The following CRADD variants were observed in gnomAD, a reference collection of about 807,000 sequenced individuals.
The protein encoded by CRADD is CARD and death domain containing adaptor protein, also known as death domain-containing protein CRADD.
Under a neutral mutation model 15.5 loss-of-function variants are expected in CRADD, and 9 were observed. That is an observed-to-expected ratio of 0.58 (90% CI 0.35 to 1.01). The LOEUF (loss-of-function observed/expected upper bound fraction) is 1.01, where lower values mean the gene tolerates loss of function less well. CRADD is among the 50% of genes least tolerant of loss of function. The pLI is 0.02. For synonymous variants in CRADD, 118 were observed against 107.6 expected, an observed-to-expected ratio of 1.10 and a Z score of -0.60; for missense variants, 227 against 250.3, an observed-to-expected ratio of 0.91 and a Z score of 0.63.
intron 2 of CRADD, chr12:93,816,026 G>A (rs1448215954): frequency 6.6e-6 from 1 of 152,168 alleles, no homozygotes; most frequent in African/African-American, 2.4e-5. Context: ...GAAATATCAT[G>A]CAAGCCACCA....
At chr12:93,821,514 G>A (rs542021903) in intron 2 of CRADD, among the ~76,000 whole-genome samples, 4 of 152,304 alleles carry the variant, frequency 2.6e-5, no homozygotes, top group South Asian at 4.1e-4. Context: ...AACACACCAT[G>A]TAACTTGATT....
chr12:93,770,245 G>A (rs934311105), intron 2 of CRADD, among the ~76,000 whole-genome samples: 1 of 151,446 alleles, frequency 6.6e-6, no homozygotes, highest in African/African-American at 2.4e-5. Context: ...ACAGGCGCCC[G>A]CCATCACGCC....
At chr12:93,769,050 T>G (rs572614973) in intron 2 of CRADD, among the ~76,000 whole-genome samples, 34 of 152,152 alleles carry the variant, frequency 2.2e-4, no homozygotes, top group Non-Finnish European at 4.7e-4. Context: ...ACCATAATAT[T>G]TACTCATTCT....
chr12:93,685,810 G>T (rs1278813969), intron 2 of CRADD, among the ~76,000 whole-genome samples: 1 of 151,922 alleles, frequency 6.6e-6, no homozygotes, highest in Non-Finnish European at 1.5e-5. Context: ...TGGCCAACAT[G>T]GTGAAACCCC....
chr12:93,754,233 C>T (rs1436485504), intron 2 of CRADD, among the ~76,000 whole-genome samples: 1 of 152,262 alleles, frequency 6.6e-6, no homozygotes, highest in African/African-American at 2.4e-5. Flanking sequence ...GTCCTAGGTT[C>T]ACACAGCAGG....
chr12:93,701,793 T>C (rs990947688), intron 2 of CRADD, among the ~76,000 whole-genome samples: 2 of 152,164 alleles, frequency 1.3e-5, no homozygotes, highest in African/African-American at 4.8e-5. Context: ...GATACAATGA[T>C]GTTGTAATGT....
intron 2 of CRADD, among the ~76,000 whole-genome samples, chr12:93,887,651 C>T (rs1401913792): frequency 6.6e-6 from 1 of 152,116 alleles, no homozygotes; most frequent in Non-Finnish European, 1.5e-5. Flanking sequence ...CTTTAGCAAG[C>T]ACACTCTTTC....
intron 2 of CRADD, chr12:93,790,845 A>C (rs1957340758): frequency 6.6e-6 from 1 of 152,034 alleles, no homozygotes; most frequent in Non-Finnish European, 1.5e-5. Context: ...TACTTAAAAA[A>C]ATCACTTAAT....
chr12:93,817,949 G>A (rs575674730), intron 2 of CRADD, among the ~76,000 whole-genome samples: 16 of 152,304 alleles, frequency 1.1e-4, no homozygotes, highest in South Asian at 4.1e-4. Flanking sequence ...GCTGCTGGCC[G>A]TGCAGCGGTG....
chr12:93,741,943 CG>C (rs1430544015), intron 2 of CRADD, among the ~76,000 whole-genome samples: 9 of 152,092 alleles, frequency 5.9e-5, no homozygotes, highest in Non-Finnish European at 5.9e-5. Flanking sequence ...TGCTCCACCG[CG>C]TCTCCTCTAC....
At chr12:93,783,109 T>C (rs868059721) in intron 2 of CRADD, among the ~76,000 whole-genome samples, 3 of 152,190 alleles carry the variant, frequency 2.0e-5, no homozygotes, top group East Asian at 1.9e-4. Context: ...ACTCCCTCCT[T>C]TTTTGCCTCT....
chr12:93,838,942 AT>A (rs565568874), intron 2 of CRADD, among the ~76,000 whole-genome samples: 42 of 144,334 alleles, frequency 2.9e-4, no homozygotes, highest in South Asian at 1.1e-3. Flanking sequence ...TTTTGTATTA[AT>A]TTTTTTTTTT....
At chr12:93,844,572 G>A (rs756351238) in intron 2 of CRADD, among the ~76,000 whole-genome samples, 4 of 152,184 alleles carry the variant, frequency 2.6e-5, no homozygotes, top group Non-Finnish European at 5.9e-5. Flanking sequence ...CCCTGAAAGT[G>A]TGGAAGAATC....
chr12:93,832,434 A>T (rs890644869), intron 2 of CRADD, among the ~76,000 whole-genome samples: 5 of 152,202 alleles, frequency 3.3e-5, no homozygotes, highest in Admixed American at 3.3e-4. Flanking sequence ...AGCGTTACTG[A>T]TAATCTTACC....
intron 2 of CRADD, among the ~76,000 whole-genome samples, chr12:93,794,671 A>G (rs780144000): frequency 1.3e-5 from 2 of 152,154 alleles, no homozygotes; most frequent in African/African-American, 2.4e-5. Context: ...CTGGCAGTCC[A>G]TGGAGAGACC....
chr12:93,861,714 C>T (rs933316738), intron 2 of CRADD, among the ~76,000 whole-genome samples: 3 of 152,242 alleles, frequency 2.0e-5, no homozygotes, highest in Non-Finnish European at 4.4e-5. Context: ...AAGAGTACCC[C>T]CTAATAAACT....
chr12:93,709,121 A>G (rs370430398), intron 2 of CRADD: 48 of 152,382 alleles, frequency 3.1e-4, no homozygotes, highest in African/African-American at 1.1e-3. Context: ...AAAGTTACAT[A>G]ATATATTCAT....
intron 2 of CRADD, among the ~76,000 whole-genome samples, chr12:93,749,573 A>C (rs933782746): frequency 1.3e-5 from 2 of 151,284 alleles, no homozygotes; most frequent in Non-Finnish European, 3.0e-5. Context: ...CTTATAAATA[A>C]TTTTAAGTCA....
intron 2 of CRADD, among the ~76,000 whole-genome samples, chr12:93,762,326 C>A (rs1782606800): frequency 6.6e-6 from 1 of 152,318 alleles, no homozygotes; most frequent in South Asian, 2.1e-4. Flanking sequence ...CAGAAGGCTG[C>A]TTCCTTGTCT....
Sources: allele counts gnomAD v4.1 joint callset (sites outside exome capture counted in the v4.1 genomes callset), GRCh38; gene constraint gnomAD v4.1.1; transcripts MANE v1.5; gene names NCBI Gene and HGNC (gene_info 2026-07-23, HGNC 2026-07-21).